HMBOX1: variants seen among roughly 807,000 people sequenced by gnomAD.
HMBOX1 encodes homeobox containing 1, also known as homeobox-containing protein 1.
Under a neutral mutation model 54.5 loss-of-function variants are expected in HMBOX1, and 14 were observed. The observed-to-expected ratio is 0.26, with a 90% confidence interval of 0.17 to 0.40. The LOEUF (loss-of-function observed/expected upper bound fraction) is 0.40, where lower values mean the gene tolerates loss of function less well. HMBOX1 is among the 10% of genes least tolerant of loss of function. The pLI is 1.00. For missense variants in HMBOX1, 332 were observed against 514.4 expected (o/e 0.65, Z 3.43); for synonymous variants, 160 against 181.0 (o/e 0.88, Z 0.93).
chr8:29,015,007 C>G (rs768372756), intron 5 of HMBOX1, among the ~76,000 whole-genome samples: 31 of 152,084 alleles, frequency 2.0e-4, no homozygotes, highest in Non-Finnish European at 3.8e-4. Flanking sequence ...AACCAGGCCA[C>G]TACTTACTTT....
At chr8:29,047,228 T>A (rs1314106649) in intron 7 of HMBOX1, 130 bp from the exon 8 acceptor site, 2 of 637,182 alleles carry the variant, frequency 3.1e-6, no homozygotes, top group Non-Finnish European at 5.6e-6. Context: ...ACTTTAAAAA[T>A]CCCTCTGCAT....
intron 4 of HMBOX1, among the ~76,000 whole-genome samples, chr8:28,988,769 T>A (rs1039101618): frequency 1.3e-4 from 20 of 152,220 alleles, no homozygotes; most frequent in African/African-American, 1.4e-4. Flanking sequence ...CTATTTTTTT[T>A]AATCAGGTTG....
At chr8:29,045,483 A>G (rs1379843188) in intron 7 of HMBOX1, 40 bp downstream of exon 7, 3 of 1,521,488 alleles carry the variant, frequency 2.0e-6, no homozygotes, top group Non-Finnish European at 2.7e-6. Flanking sequence ...GGTGCAGCAC[A>G]GCGCTTGGTT....
chr8:29,024,432 T>C (rs970747734), intron 6 of HMBOX1, among the ~76,000 whole-genome samples: 1 of 152,204 alleles, frequency 6.6e-6, no homozygotes, highest in African/African-American at 2.4e-5. Flanking sequence ...TCGGGCCTTA[T>C]GTAGGAGATG....
chr8:28,980,475 C>G (rs548828358), intron 4 of HMBOX1, among the ~76,000 whole-genome samples: 2 of 152,114 alleles, frequency 1.3e-5, no homozygotes, highest in Admixed American at 1.3e-4. Context: ...GCTTTCTATA[C>G]TACATATTTT....
intron 1 of HMBOX1, among the ~76,000 whole-genome samples, chr8:28,945,411 C>T (rs1438768485): frequency 6.6e-6 from 1 of 152,224 alleles, no homozygotes; most frequent in African/African-American, 2.4e-5. Flanking sequence ...CTTTATCCAA[C>T]TCCAAGTTTT....
chr8:28,928,257 C>G (rs181978726), intron 1 of HMBOX1, among the ~76,000 whole-genome samples: 20 of 152,290 alleles, frequency 1.3e-4, no homozygotes, highest in Admixed American at 1.2e-3. Context: ...GAAAATACCT[C>G]TTGAGCTAAT....
At chr8:28,943,304 A>G (rs1256032703) in intron 1 of HMBOX1, among the ~76,000 whole-genome samples, 4 of 152,366 alleles carry the variant, frequency 2.6e-5, no homozygotes, top group East Asian at 3.9e-4. Flanking sequence ...GGAAGCAGTG[A>G]GGACCAAAAG....
chr8:28,917,882 A>G, intron 1 of HMBOX1, among the ~76,000 whole-genome samples: 1 of 152,130 alleles, frequency 6.6e-6, no homozygotes, highest in East Asian at 1.9e-4. Context: ...CTTTTCATAT[A>G]TTGCTGGATT....
At chr8:28,923,689 T>G (rs984543116) in intron 1 of HMBOX1, among the ~76,000 whole-genome samples, 2 of 152,234 alleles carry the variant, frequency 1.3e-5, no homozygotes, top group African/African-American at 2.4e-5. Context: ...CCAAACTGTT[T>G]ACACAGTGGC....
chr8:29,051,342 A>C lies in HMBOX1; in HGVS notation c.*187A>C. 1.5e-6 allele frequency: 1 copy of C among 648,392 alleles called. No homozygotes were observed. Among genetic ancestry groups the C allele is most frequent in the Non-Finnish European group, 2.7e-6 (1 of 374,932 alleles). 40.2% of individuals were successfully genotyped at this position (648,392 alleles called of 1,614,324 possible). A position where few individuals can be genotyped will look rare whatever the true frequency, so the allele number is the denominator to read the frequency against. On this transcript the variant is annotated 3_prime_UTR_variant, in exon 10 of 10. Transcript: ENST00000287701. ...CTTTGCATATACTCTCTCAGTATTA[A>C]CTCCCAGTAAATAATAACCAACCAA...
At chr8:29,034,573 G>A (rs12546597) in intron 6 of HMBOX1, among the ~76,000 whole-genome samples, 12,622 of 152,262 alleles carry the variant, frequency 0.083, 666 homozygotes, top group South Asian at 0.24. Context: ...AGAGGCAATT[G>A]AGGGCCAGGC....
At chr8:28,918,756 G>A (rs1173130045) in intron 1 of HMBOX1, among the ~76,000 whole-genome samples, 1 of 150,502 alleles carries the variant, frequency 6.6e-6, no homozygotes, top group Non-Finnish European at 1.5e-5. Context: ...TTTAACATAA[G>A]TATTTTAAAG....
At chr8:28,909,363 A>G (rs1814970569) in intron 1 of HMBOX1, among the ~76,000 whole-genome samples, 1 of 152,226 alleles carries the variant, frequency 6.6e-6, no homozygotes, top group African/African-American at 2.4e-5. Context: ...ATTAAGTGGA[A>G]AAAATAGCCA....
chr8:28,992,045 G>A (rs1201658972), intron 4 of HMBOX1, among the ~76,000 whole-genome samples: 5 of 152,166 alleles, frequency 3.3e-5, no homozygotes, highest in South Asian at 4.1e-4. Flanking sequence ...AGTTAATTGC[G>A]TTTGTTTTGC....
intron 5 of HMBOX1, chr8:29,009,688 C>T: frequency 7.8e-7 from 1 of 1,286,642 alleles, no homozygotes; most frequent in South Asian, 1.2e-5. Flanking sequence ...CTTTAGGATG[C>T]AGCTGCCCTG....
chr8:28,912,639 G>T (rs1245696885), intron 1 of HMBOX1, among the ~76,000 whole-genome samples: 2 of 152,126 alleles, frequency 1.3e-5, no homozygotes, highest in Non-Finnish European at 2.9e-5. Context: ...TGCTTCTGCG[G>T]CTTCTTTGAT....
chr8:29,010,581 A>G (rs1834096958), intron 5 of HMBOX1, among the ~76,000 whole-genome samples: 1 of 151,732 alleles, frequency 6.6e-6, no homozygotes, highest in East Asian at 1.9e-4. Context: ...TATTATTATT[A>G]TTAACATTTT....
chr8:29,032,300 G>A (rs1408566430), intron 6 of HMBOX1, among the ~76,000 whole-genome samples: 1 of 151,900 alleles, frequency 6.6e-6, no homozygotes, highest in African/African-American at 2.4e-5. Context: ...TGGATTTTCT[G>A]TTAATATTTG....
Sources: allele counts gnomAD v4.1 joint callset (sites outside exome capture counted in the v4.1 genomes callset), GRCh38; gene constraint gnomAD v4.1.1; transcripts MANE v1.5; gene names NCBI Gene and HGNC (gene_info 2026-07-23, HGNC 2026-07-21).